PTPRD: variants seen among roughly 807,000 people sequenced by gnomAD.
PTPRD encodes the protein protein tyrosine phosphatase receptor type D, also known as receptor-type tyrosine-protein phosphatase delta.
Under a neutral mutation model 214.5 loss-of-function variants are expected in PTPRD, and 34 were observed. That is an observed-to-expected ratio of 0.16 (90% confidence interval 0.12 to 0.21). The LOEUF (loss-of-function observed/expected upper bound fraction) is 0.21. Among genes scored for constraint, PTPRD ranks in the 10% least tolerant of loss-of-function variants. The pLI, the probability that PTPRD is intolerant of heterozygous loss-of-function variation, is 1.00. For missense variants in PTPRD, 2,545 were observed against 2,398.7 expected, an observed-to-expected ratio of 1.06 and a Z score of -1.27; for synonymous variants, 1,128 against 845.7, an observed-to-expected ratio of 1.33 and a Z score of -5.79.
At chr9:10,225,579 G>A (rs1371124204) in intron 3 of PTPRD, among the ~76,000 whole-genome samples, 2 of 151,990 alleles carry the variant, frequency 1.3e-5, no homozygotes, top group Non-Finnish European at 2.9e-5. Flanking sequence ...GTGGTGTGCT[G>A]CCTGCTTATT....
At chr9:8,407,707 G>C (rs998048223) in intron 35 of PTPRD, among the ~76,000 whole-genome samples, 1 of 152,144 alleles carries the variant, frequency 6.6e-6, no homozygotes, top group African/African-American at 2.4e-5. Context: ...GCTTCACATG[G>C]ATGATAAAAC....
intron 9 of PTPRD, among the ~76,000 whole-genome samples, chr9:9,285,022 A>G (rs537385915): frequency 2.0e-5 from 3 of 151,886 alleles, no homozygotes; most frequent in Admixed American, 1.3e-4. Flanking sequence ...AGATGACAGA[A>G]TAAATTTTCA....
intron 3 of PTPRD, among the ~76,000 whole-genome samples, chr9:10,055,738 A>G (rs2097623882): frequency 6.6e-6 from 1 of 152,052 alleles, no homozygotes; most frequent in Non-Finnish European, 1.5e-5. Flanking sequence ...GGCTGCACCC[A>G]GAAGAAAAAG....
intron 7 of PTPRD, among the ~76,000 whole-genome samples, chr9:9,694,997 T>C (rs991541050): frequency 6.6e-6 from 1 of 152,126 alleles, no homozygotes; most frequent in East Asian, 1.9e-4. Context: ...CAAAGTCTCC[T>C]TTACTTTTCC....
chr9:9,208,331 TA>T (rs991218305), intron 9 of PTPRD, among the ~76,000 whole-genome samples: 1 of 151,808 alleles, frequency 6.6e-6, no homozygotes, highest in Non-Finnish European at 1.5e-5. Context: ...TGTATTTTTT[TA>T]AAAAACACCT....
chr9:8,628,544 C>T (rs961751408), intron 14 of PTPRD, among the ~76,000 whole-genome samples: 10 of 150,166 alleles, frequency 6.7e-5, no homozygotes, highest in African/African-American at 9.8e-5. Context: ...CAATGAATCA[C>T]GGAAAGCTGG....
At chr9:9,594,034 T>C (rs561525565) in intron 7 of PTPRD, among the ~76,000 whole-genome samples, 4 of 152,170 alleles carry the variant, frequency 2.6e-5, no homozygotes, top group African/African-American at 7.2e-5. Flanking sequence ...CAATGGACGA[T>C]AGTTAATGAG....
intron 8 of PTPRD, among the ~76,000 whole-genome samples, chr9:9,561,235 G>A (rs1223453092): frequency 6.6e-6 from 1 of 152,050 alleles, no homozygotes; most frequent in Non-Finnish European, 1.5e-5. Flanking sequence ...GCCTACCCCT[G>A]ACTAAAGCAC....
At chr9:9,054,866 T>C (rs1412097) in intron 10 of PTPRD, among the ~76,000 whole-genome samples, 1 of 152,180 alleles carries the variant, frequency 6.6e-6, no homozygotes, top group Non-Finnish European at 1.5e-5. Flanking sequence ...GCTAGTGTTG[T>C]GCAAGGGAAC....
chr9:10,290,893 A>G (rs1412609181), intron 3 of PTPRD, among the ~76,000 whole-genome samples: 1 of 152,194 alleles, frequency 6.6e-6, no homozygotes, highest in Non-Finnish European at 1.5e-5. Flanking sequence ...ACTGTTGAAT[A>G]TAAAATAAAC....
At chr9:10,522,301 T>A (rs1309093296) in intron 2 of PTPRD, among the ~76,000 whole-genome samples, 1 of 152,178 alleles carries the variant, frequency 6.6e-6, no homozygotes, top group Non-Finnish European at 1.5e-5. Context: ...AGGCTCTGAA[T>A]ACACAGCCCT....
At chr9:9,947,530 ATTT>A (rs1566622180) in intron 4 of PTPRD, among the ~76,000 whole-genome samples, 7 of 17,318 alleles carry the variant, frequency 4.0e-4, no homozygotes, top group East Asian at 0.019. Flanking sequence ...TATTATATAT[ATTT>A]TATATATAAT....
At chr9:10,360,994 C>A (rs1280541684) in intron 2 of PTPRD, among the ~76,000 whole-genome samples, 2 of 151,918 alleles carry the variant, frequency 1.3e-5, no homozygotes, top group East Asian at 1.9e-4. Flanking sequence ...CCCAGCTACT[C>A]GGGAGGCTGA....
chr9:9,489,059 G>C (rs995853643), intron 8 of PTPRD, among the ~76,000 whole-genome samples: 1 of 152,142 alleles, frequency 6.6e-6, no homozygotes, highest in African/African-American at 2.4e-5. Flanking sequence ...TAAAGGGCCA[G>C]CACTCTTTTT....
At chr9:9,212,974 T>C (rs530405341) in intron 9 of PTPRD, among the ~76,000 whole-genome samples, 2 of 152,320 alleles carry the variant, frequency 1.3e-5, no homozygotes, top group Admixed American at 1.3e-4. Flanking sequence ...ATTCTATAGA[T>C]TCTAACTCCT....
At chr9:10,118,051 G>A (rs893378372) in intron 3 of PTPRD, among the ~76,000 whole-genome samples, 1 of 151,884 alleles carries the variant, frequency 6.6e-6, no homozygotes, top group African/African-American at 2.4e-5. Flanking sequence ...CTTTCTATAG[G>A]TGCAATAGTT....
rs370899835 is a variant in PTPRD, at chr9:8,832,858, G to A, written c.-103-98912C>T. ...CATGAGGCTTCATTTTTTCATAAAC[G>A]CATACCCCCAAAGAACAAAAAATAA... On this transcript the variant is annotated intron_variant, in intron 11 of 45. Transcript: ENST00000381196. 7.9e-5 allele frequency among the ~76,000 whole-genome samples: 12 copies of A among 151,284 alleles called. No individual in the cohort carries two copies. In the East Asian group the frequency reaches 9.7e-4, roughly 12 times the overall value.
intron 43 of PTPRD, among the ~76,000 whole-genome samples, chr9:8,332,391 T>A (rs115177307): frequency 0.011 from 1,653 of 152,238 alleles, 20 homozygotes; most frequent in African/African-American, 0.039. Context: ...ATGAACCATA[T>A]GACTGTGCTG....
intron 18 of PTPRD, among the ~76,000 whole-genome samples, chr9:8,524,608 A>G (rs2097967657): frequency 6.6e-6 from 1 of 152,168 alleles, no homozygotes; most frequent in African/African-American, 2.4e-5. Context: ...AGAAAAAAAG[A>G]GAAAGAAAAA....
Sources: gnomAD v4.1 joint callset for allele counts (sites outside exome capture counted in the v4.1 genomes callset) on GRCh38, gnomAD v4.1.1 for gene constraint, MANE v1.5 for transcripts, NCBI Gene and HGNC (gene_info 2026-07-23, HGNC 2026-07-21) for gene names.